Variants in STAC observed in about 807,000 individuals in gnomAD.
STAC encodes SH3 and cysteine rich domain, also known as SH3 and cysteine-rich domain-containing protein.
In STAC, 43 loss-of-function variants were observed where a neutral mutation model predicts 48.8. That is an observed-to-expected ratio of 0.88 (90% CI 0.69 to 1.14). The LOEUF is 1.14. Ranked by LOEUF, STAC falls within the 50% of genes most tolerant of loss-of-function variation. The pLI, the probability that STAC is intolerant of heterozygous loss-of-function variation, is 0.00. For synonymous variants in STAC, 193 were observed against 179.5 expected, an observed-to-expected ratio of 1.07 and a Z score of -0.60; for missense variants, 497 against 504.0, an observed-to-expected ratio of 0.99 and a Z score of 0.13.
At chr3:36,423,139 T>C (rs900411268) in intron 1 of STAC, among the ~76,000 whole-genome samples, 4 of 152,066 alleles carry the variant, frequency 2.6e-5, no homozygotes, top group African/African-American at 7.2e-5. Flanking sequence ...ATAGCCATAG[T>C]GCAGCCAGTG....
intron 2 of STAC, among the ~76,000 whole-genome samples, chr3:36,449,526 T>C (rs958786028): frequency 9.2e-5 from 14 of 152,216 alleles, no homozygotes; most frequent in African/African-American, 3.1e-4. Context: ...CACATGAACA[T>C]GTGGCTTGTA....
intron 8 of STAC, among the ~76,000 whole-genome samples, chr3:36,524,464 C>T (rs186861457): frequency 1.6e-3 from 242 of 151,960 alleles, no homozygotes; most frequent in Non-Finnish European, 2.1e-3. Context: ...TGGTAGCGGG[C>T]GCCTTTCTTC....
At chr3:36,493,352 T>C in intron 6 of STAC, 123 bp downstream of exon 6, 1 of 834,676 alleles carries the variant, frequency 1.2e-6, no homozygotes, top group Admixed American at 2.2e-5. Context: ...AGGGCGAGTG[T>C]TCAATGTTCT....
intron 8 of STAC, among the ~76,000 whole-genome samples, chr3:36,506,784 G>C (rs1698413100): frequency 1.3e-5 from 2 of 152,182 alleles, no homozygotes; most frequent in African/African-American, 4.8e-5. Flanking sequence ...TGAATCCTGA[G>C]ACTTTGCTGA....
At chr3:36,414,881 T>G (rs1700282539) in intron 1 of STAC, among the ~76,000 whole-genome samples, 1 of 152,210 alleles carries the variant, frequency 6.6e-6, no homozygotes, top group Admixed American at 6.5e-5. Context: ...TAGTTTTCCT[T>G]TTAACACTCA....
At chr3:36,540,016 CAG>C (rs1277385398) in intron 10 of STAC, among the ~76,000 whole-genome samples, 4 of 152,032 alleles carry the variant, frequency 2.6e-5, no homozygotes, top group African/African-American at 9.7e-5. Context: ...AGTGTAATCA[CAG>C]AGATTCTTAG....
intron 1 of STAC, among the ~76,000 whole-genome samples, chr3:36,406,963 C>A (rs1356958306): frequency 6.6e-6 from 1 of 152,178 alleles, no homozygotes; most frequent in Non-Finnish European, 1.5e-5. Context: ...CTTGGCTCTG[C>A]CACTCAAAAG....
chr3:36,472,332 T>C (rs1697364276), intron 2 of STAC, among the ~76,000 whole-genome samples: 1 of 152,160 alleles, frequency 6.6e-6, no homozygotes, highest in African/African-American at 2.4e-5. Flanking sequence ...TCCAGGCCTG[T>C]GATGGGAGGG....
chr3:36,398,312 A>C (rs868829408), intron 1 of STAC, among the ~76,000 whole-genome samples: 7 of 105,856 alleles, frequency 6.6e-5, no homozygotes, highest in African/African-American at 1.2e-4. Flanking sequence ...AGAAAGAAAG[A>C]AAGAAAGCAA....
At chr3:36,508,984 G>A (rs1487885876) in intron 8 of STAC, among the ~76,000 whole-genome samples, 1 of 152,068 alleles carries the variant, frequency 6.6e-6, no homozygotes, top group Non-Finnish European at 1.5e-5. Context: ...TATTTTGCTT[G>A]TTAGTTGATG....
At chr3:36,435,485 T>C (rs879714996) in intron 1 of STAC, among the ~76,000 whole-genome samples, 2 of 152,052 alleles carry the variant, frequency 1.3e-5, no homozygotes, top group African/African-American at 2.4e-5. Flanking sequence ...ATTTAATACA[T>C]GCTGGAGTAA....
chr3:36,499,757 CAA>C (rs1343966981), intron 6 of STAC, among the ~76,000 whole-genome samples: 8 of 149,596 alleles, frequency 5.3e-5, no homozygotes, highest in Non-Finnish European at 1.0e-4. Context: ...TTTAAAAAAA[CAA>C]AAGTTTTTTT....
At chr3:36,444,603 G>A (rs1696455133) in intron 2 of STAC, among the ~76,000 whole-genome samples, 1 of 152,200 alleles carries the variant, frequency 6.6e-6, no homozygotes, top group South Asian at 2.1e-4. Flanking sequence ...CATTTCGTTA[G>A]CCGAATTAAG....
At chr3:36,523,582 A>G (rs1023235393) in intron 8 of STAC, among the ~76,000 whole-genome samples, 6 of 152,222 alleles carry the variant, frequency 3.9e-5, no homozygotes, top group South Asian at 2.1e-4. Flanking sequence ...TCAAGAACAT[A>G]AAGTCTCCTA....
At chr3:36,487,822 G>A (rs1452230264) in intron 5 of STAC, among the ~76,000 whole-genome samples, 2 of 152,200 alleles carry the variant, frequency 1.3e-5, no homozygotes, top group East Asian at 1.9e-4. Flanking sequence ...GCAGTGAGGG[G>A]ATAATGTGTG....
chr3:36,450,253 A>G (rs1449798113), intron 2 of STAC, among the ~76,000 whole-genome samples: 4 of 152,246 alleles, frequency 2.6e-5, no homozygotes, highest in Admixed American at 2.0e-4. Flanking sequence ...TGGGAAAAAA[A>G]ATAGTTTGCC....
chr3:36,513,610 C>A (rs1212470646), intron 8 of STAC, among the ~76,000 whole-genome samples: 2 of 152,108 alleles, frequency 1.3e-5, no homozygotes, highest in African/African-American at 4.8e-5. Flanking sequence ...CACATCCCTT[C>A]TCTACTTTCT....
In STAC at chr3:36,527,588, G is replaced by A. The variant is rs1236845540; in HGVS notation, c.921-1108G>A. On this transcript the variant is annotated intron_variant, in intron 8 of 10. Transcript: ENST00000273183. ...AATAAGACTGTAAGTGTGTAAGAAA[G>A]ACAAAAAATGTGAGGATGGATTCAG... Among the ~76,000 whole-genome samples the A allele has an allele frequency of 5.3e-5, 8 of 152,178 alleles. No homozygotes were observed. In the South Asian group the frequency reaches 1.7e-3, roughly 32 times the overall value.
chr3:36,442,616 G>A (rs1385571384), intron 1 of STAC, among the ~76,000 whole-genome samples: 1 of 152,066 alleles, frequency 6.6e-6, no homozygotes, highest in African/African-American at 2.4e-5. Context: ...ACCTGTTTTG[G>A]TGCTTTTTTA....
Sources: gnomAD v4.1 joint callset for allele counts (sites outside exome capture counted in the v4.1 genomes callset) on GRCh38, gnomAD v4.1.1 for gene constraint, MANE v1.5 for transcripts, NCBI Gene and HGNC (gene_info 2026-07-23, HGNC 2026-07-21) for gene names.